HDAC9: variants seen among roughly 807,000 people sequenced by gnomAD.
The protein encoded by HDAC9 is histone deacetylase 9, also known as MEF-2 interacting transcription repressor (MITR) protein.
A neutral mutation model predicts 139.4 loss-of-function variants in HDAC9; 41 were observed. The observed-to-expected ratio is 0.29, with a 90% CI of 0.23 to 0.38. The LOEUF (loss-of-function observed/expected upper bound fraction) is 0.38, where lower values mean the gene tolerates loss of function less well. Among genes scored for constraint, HDAC9 ranks in the 10% least tolerant of loss-of-function variants. The probability of loss-of-function intolerance (pLI) is 1.00; values close to 1 mark genes in which losing one functional copy is unlikely to be tolerated. For missense variants in HDAC9, 1,147 were observed against 1,297.0 expected (o/e 0.88, Z 1.78); for synonymous variants, 517 against 476.2 (o/e 1.09, Z -1.12).
At chr7:18,658,194 A>G (rs1344776992) in intron 11 of HDAC9, among the ~76,000 whole-genome samples, 1 of 152,156 alleles carries the variant, frequency 6.6e-6, no homozygotes, top group Admixed American at 6.6e-5. Flanking sequence ...TTCAGTTGCT[A>G]ATTTTCTGCC....
At chr7:18,719,379 G>T (rs546103433) in intron 12 of HDAC9, among the ~76,000 whole-genome samples, 2 of 79,168 alleles carry the variant, frequency 2.5e-5, no homozygotes, top group African/African-American at 1.1e-4. Context: ...TTGTCTTGTC[G>T]CCCAGGCTGG....
chr7:18,614,073 A>G (rs1181878338), intron 6 of HDAC9, among the ~76,000 whole-genome samples: 1 of 152,048 alleles, frequency 6.6e-6, no homozygotes, highest in African/African-American at 2.4e-5. Flanking sequence ...TATTCATTCT[A>G]ACCAGTAGTC....
chr7:18,542,470 A>G lies in HDAC9; in HGVS notation c.23-42811A>G, dbSNP rs181360868. Among the ~76,000 whole-genome samples the G allele has an allele frequency of 3.0e-3, 462 of 152,348 alleles. 2 individuals are homozygous for G. The highest frequency in any genetic ancestry group is 0.011 in the African/African-American group (444 of 41,578). ...GCCTAAGTTAATATTTGAATAATCA[A>G]TTAATACTATTAAATGTTAGCAATA... On this transcript the variant is annotated intron_variant, in intron 2 of 25. Coordinates refer to ENST00000686413, the MANE Select transcript of HDAC9 (RefSeq NM_178425.4).
chr7:18,834,121 T>A (rs1486613223), intron 19 of HDAC9, among the ~76,000 whole-genome samples: 1 of 152,204 alleles, frequency 6.6e-6, no homozygotes, highest in African/African-American at 2.4e-5. Flanking sequence ...TACCTAATAA[T>A]CCATACCAGA....
At chr7:18,575,614 A>T (rs1478700077) in intron 2 of HDAC9, among the ~76,000 whole-genome samples, 1 of 152,244 alleles carries the variant, frequency 6.6e-6, no homozygotes, top group Non-Finnish European at 1.5e-5. Context: ...CCTTGGGTGG[A>T]AAAACTTTTC....
chr7:18,974,148 T>G (rs1331349895), intron 24 of HDAC9, among the ~76,000 whole-genome samples: 1 of 152,216 alleles, frequency 6.6e-6, no homozygotes, highest in African/African-American at 2.4e-5. Context: ...TTGTATGTGC[T>G]GTTTCCCCTT....
At chr7:18,237,962 T>C (rs2731551) in intron 2 of HDAC9, among the ~76,000 whole-genome samples, 104,637 of 152,032 alleles carry the variant, frequency 0.69, 36,413 homozygotes, top group South Asian at 0.84. Context: ...AAATCTTTTG[T>C]TTGGTCCTTA....
chr7:18,779,746 C>T (rs1791084506), intron 16 of HDAC9, among the ~76,000 whole-genome samples: 2 of 151,978 alleles, frequency 1.3e-5, no homozygotes, highest in East Asian at 1.9e-4. Flanking sequence ...AGCACTGCAC[C>T]ACCCTGTGGG....
chr7:18,695,541 A>C (rs1027748844), intron 12 of HDAC9, among the ~76,000 whole-genome samples: 7 of 152,324 alleles, frequency 4.6e-5, no homozygotes, highest in Admixed American at 3.9e-4. Context: ...GGGACTTAGC[A>C]AGAAATCATT....
intron 1 of HDAC9, among the ~76,000 whole-genome samples, chr7:18,123,796 A>C (rs1161051274): frequency 1.3e-5 from 2 of 152,168 alleles, no homozygotes; most frequent in African/African-American, 4.8e-5. Context: ...TACTAGAGTT[A>C]ATTCTCTCAC....
At chr7:18,236,895 G>C (rs1220797952) in intron 2 of HDAC9, among the ~76,000 whole-genome samples, 5 of 152,184 alleles carry the variant, frequency 3.3e-5, no homozygotes, top group Admixed American at 3.3e-4. Context: ...TGCTTCTCCT[G>C]CAGCTTGGCA....
intron 1 of HDAC9, among the ~76,000 whole-genome samples, chr7:18,112,382 G>A (rs764626223): frequency 1.3e-5 from 2 of 151,918 alleles, no homozygotes; most frequent in Admixed American, 6.6e-5. Flanking sequence ...ACTTGTGTTG[G>A]TATACAACAA....
At chr7:18,910,459 G>T (rs2129288993) in intron 22 of HDAC9, among the ~76,000 whole-genome samples, 1 of 151,910 alleles carries the variant, frequency 6.6e-6, no homozygotes, top group East Asian at 1.9e-4. Flanking sequence ...GGATTCTTTA[G>T]GTCTTTATAT....
At chr7:18,549,443 A>G (rs778606231) in intron 2 of HDAC9, among the ~76,000 whole-genome samples, 13 of 152,326 alleles carry the variant, frequency 8.5e-5, no homozygotes, top group East Asian at 5.8e-4. Flanking sequence ...ACTGTGTGGT[A>G]CATCCATGCC....
At chr7:18,717,667 G>A (rs1048462878) in intron 12 of HDAC9, among the ~76,000 whole-genome samples, 1 of 151,928 alleles carries the variant, frequency 6.6e-6, no homozygotes, top group African/African-American at 2.4e-5. Flanking sequence ...CTGACTTCAG[G>A]TGATCCACCC....
chr7:18,847,349 T>G (rs1261770740), intron 21 of HDAC9, among the ~76,000 whole-genome samples: 2 of 152,214 alleles, frequency 1.3e-5, no homozygotes, highest in Non-Finnish European at 2.9e-5. Flanking sequence ...CCTTTTTTTC[T>G]TTTTCCTTTC....
intron 22 of HDAC9, among the ~76,000 whole-genome samples, chr7:18,877,587 T>G (rs929251038): frequency 1.3e-5 from 2 of 152,218 alleles, no homozygotes; most frequent in Non-Finnish European, 2.9e-5. Context: ...ATGCTAAAAT[T>G]ATATTTTCTT....
At chr7:18,382,198 A>G (rs896378432) in intron 1 of HDAC9, among the ~76,000 whole-genome samples, 3 of 152,192 alleles carry the variant, frequency 2.0e-5, no homozygotes, top group Non-Finnish European at 4.4e-5. Flanking sequence ...GACAAAATAA[A>G]ACAAGAAACA....
intron 1 of HDAC9, among the ~76,000 whole-genome samples, chr7:18,365,008 C>T (rs566406410): frequency 6.6e-6 from 1 of 152,160 alleles, no homozygotes; most frequent in South Asian, 2.1e-4. Flanking sequence ...GTAATGAATA[C>T]ATGAAGACAT....
Sources: allele counts gnomAD v4.1 joint callset (sites outside exome capture counted in the v4.1 genomes callset), GRCh38; gene constraint gnomAD v4.1.1; transcripts MANE v1.5; gene names NCBI Gene and HGNC (gene_info 2026-07-23, HGNC 2026-07-21).